POT1: variants seen among roughly 807,000 people sequenced by gnomAD.
POT1 encodes protection of telomeres protein 1.
Under a neutral mutation model 78.5 loss-of-function variants are expected in POT1, and 47 were observed. The observed-to-expected ratio is 0.60, with a 90% CI of 0.47 to 0.76. The LOEUF (loss-of-function observed/expected upper bound fraction) is 0.76. Among genes scored for constraint, POT1 ranks in the 30% least tolerant of loss-of-function variants. The pLI is 0.00. For synonymous variants in POT1, 259 were observed against 260.7 expected, an observed-to-expected ratio of 0.99 and a Z score of 0.06; for missense variants, 646 against 749.9, an observed-to-expected ratio of 0.86 and a Z score of 1.62.
At chr7:124,830,841 T>A (rs907892516) in intron 15 of POT1, among the ~76,000 whole-genome samples, 1 of 151,616 alleles carries the variant, frequency 6.6e-6, no homozygotes, top group Non-Finnish European at 1.5e-5. Context: ...CAAGAAACCA[T>A]AAAGTTAAAA....
chr7:124,917,539 C>T lies in POT1; in HGVS notation c.-226-1893G>A, dbSNP rs75489349. On this transcript the variant is annotated intron_variant, in intron 2 of 18. Transcript: ENST00000357628. ...ACATGCCCAGAAATAAAAACTACCC[C>T]AGTCTCCACTGTCCTCCACAAGACG... 1.6e-3 allele frequency among the ~76,000 whole-genome samples: 238 copies of T among 152,214 alleles called. 4 individuals carry two copies. In the East Asian group the frequency reaches 0.043, roughly 27 times the overall value.
At chr7:124,860,790 A>C (rs1369965988) in intron 8 of POT1, among the ~76,000 whole-genome samples, 2 of 151,590 alleles carry the variant, frequency 1.3e-5, no homozygotes, top group Non-Finnish European at 2.9e-5. Flanking sequence ...CCATTGTGTG[A>C]TGTTCCCCTC....
At chr7:124,849,536 G>A (rs1468395161) in intron 11 of POT1, among the ~76,000 whole-genome samples, 2 of 152,096 alleles carry the variant, frequency 1.3e-5, no homozygotes, top group African/African-American at 4.8e-5. Context: ...CTGCTATTTG[G>A]ATATAAATTT....
At chr7:124,912,317 C>G (rs1796906657) in intron 3 of POT1, among the ~76,000 whole-genome samples, 1 of 151,760 alleles carries the variant, frequency 6.6e-6, no homozygotes, top group Non-Finnish European at 1.5e-5. Context: ...TTTAGATACC[C>G]TGAGCCTCTC....
chr7:124,898,576 C>G (rs1796548233), intron 3 of POT1, among the ~76,000 whole-genome samples: 1 of 151,954 alleles, frequency 6.6e-6, no homozygotes, highest in Non-Finnish European at 1.5e-5. Context: ...TCAACATCTA[C>G]AGCTACAATA....
chr7:124,857,511 A>G (rs1366348670), intron 9 of POT1, among the ~76,000 whole-genome samples: 1 of 152,168 alleles, frequency 6.6e-6, no homozygotes, highest in Non-Finnish European at 1.5e-5. Context: ...CTGTGCCCAT[A>G]AAAACCCCAG....
intron 6 of POT1, among the ~76,000 whole-genome samples, chr7:124,891,655 C>T (rs1458874627): frequency 6.6e-6 from 1 of 151,290 alleles, no homozygotes; most frequent in Non-Finnish European, 1.5e-5. Context: ...TGCTTTGATT[C>T]CCTTCTCATT....
chr7:124,865,536 T>C (rs1159801429), intron 7 of POT1, among the ~76,000 whole-genome samples: 1 of 152,022 alleles, frequency 6.6e-6, no homozygotes, highest in African/African-American at 2.4e-5. Flanking sequence ...CTGATCTATT[T>C]AGCCCATCCA....
chr7:124,876,905 C>A (rs1796002981), intron 6 of POT1, among the ~76,000 whole-genome samples: 1 of 152,132 alleles, frequency 6.6e-6, no homozygotes, highest in Admixed American at 6.5e-5. Flanking sequence ...AACCAAAGAA[C>A]AGCTAACAAT....
chr7:124,850,742 AAAACAAACAAAC>A (rs769658710), intron 11 of POT1, among the ~76,000 whole-genome samples: 1 of 151,912 alleles, frequency 6.6e-6, no homozygotes, highest in Admixed American at 6.6e-5. Context: ...AAAAAAAAAC[AAAACAAACAAAC>A]AAACAAACAA....
In POT1 at chr7:124,863,266, T is replaced by C. The variant is rs142749439; in HGVS notation, c.546+84A>G. The stretch of plus-strand genomic sequence containing the variant: ...CTAGTATAATACACAGCATGCTTTA[T>C]CTCATCAGAATGCTGAAACATAAGC... On this transcript the variant is annotated intron_variant, in intron 8 of 18. Transcript: ENST00000357628. 7.6e-5 allele frequency: 100 copies of C among 1,315,796 alleles called. No individual in the cohort carries two copies. In the African/African-American group the frequency reaches 1.2e-3, roughly 16 times the overall value. The allele number at this position is 1,315,796 out of a possible 1,614,324, so 81.5% of individuals were successfully genotyped here.
At chr7:124,844,163 T>C (rs1296925128) in intron 12 of POT1, among the ~76,000 whole-genome samples, 1 of 148,840 alleles carries the variant, frequency 6.7e-6, no homozygotes, top group Non-Finnish European at 1.5e-5. Context: ...AGTTTCCCTC[T>C]TGTTGCCCAG....
At chr7:124,863,730 C>A (rs1795656683) in intron 7 of POT1, 90 bp from the exon 8 acceptor site, 1 of 1,054,710 alleles carries the variant, frequency 9.5e-7, no homozygotes, top group African/African-American at 1.6e-5. Context: ...GAAAGATTAT[C>A]AATTTTGCCA....
intron 2 of POT1, among the ~76,000 whole-genome samples, chr7:124,921,544 A>G (rs1197351464): frequency 6.6e-6 from 1 of 152,136 alleles, no homozygotes; most frequent in East Asian, 1.9e-4. Flanking sequence ...TACGAAGAAT[A>G]TAGACAAGCA....
intron 2 of POT1, among the ~76,000 whole-genome samples, chr7:124,921,500 T>C (rs756627560): frequency 5.0e-5 from 7 of 139,560 alleles, no homozygotes; most frequent in Non-Finnish European, 9.3e-5. Flanking sequence ...TAAAAAGAAA[T>C]AAATAGGTGA....
chr7:124,910,348 G>C (rs945178174), intron 3 of POT1, among the ~76,000 whole-genome samples: 6 of 151,828 alleles, frequency 4.0e-5, no homozygotes, highest in Non-Finnish European at 8.8e-5. Context: ...GAGATAGAGC[G>C]GTTTCTCTAC....
Position 124,829,336 on chromosome 7 carries a change from T to A in POT1, c.1512A>T (p.Lys504Asn). Reference sequence around the variant, plus strand: ...GTATGGATCTCAAACTAGAACACTGTTTACATCTGAAATTTATAAAAGAAA... The same window carrying A: ...GTATGGATCTCAAACTAGAACACTGATTACATCTGAAATTTATAAAAGAAA... ...IQGTIHHYGC[K>N]QCSSLRSIQN... Residue 504 changes from lysine (K) to asparagine (N), a missense_variant, in exon 16 of 19, where the codon AAA (lysine) becomes AAT (asparagine). Physicochemically the swap from Lys to Asn is moderately conservative, Grantham distance 94. This residue lies in a region of POT1 where 394 missense variants were observed against 408.4 expected (regional missense o/e 0.96). Transcript: ENST00000357628. 1 of 1,552,744 alleles carries A rather than the reference T, an allele frequency of 6.4e-7. No homozygotes were observed. The highest frequency in any genetic ancestry group is 8.8e-7 in the Non-Finnish European group (1 of 1,131,946).
intron 6 of POT1, among the ~76,000 whole-genome samples, chr7:124,876,897 C>T (rs1024002263): frequency 6.6e-6 from 1 of 152,102 alleles, no homozygotes; most frequent in African/African-American, 2.4e-5. Flanking sequence ...AAAGTCAGAA[C>T]CAAAGAACAG....
At position 124,834,100 on chromosome 7, in the gene POT1, C is replaced by T. The variant is rs192542557; in HGVS notation, c.1505+1179G>A. Among the ~76,000 whole-genome samples the T allele has an allele frequency of 7.9e-5, 12 of 152,174 alleles. No homozygotes were observed. In the East Asian group the frequency reaches 2.1e-3, roughly 27 times the overall value. On this transcript the variant is annotated intron_variant, in intron 15 of 18. Coordinates refer to ENST00000357628, the MANE Select transcript of POT1 (RefSeq NM_015450.3). ...ATCCCCTTACACCTTATACAAAAAT[C>T]AACTCAAGATGGATTAAAGACTTAA... is the stretch of plus-strand genomic sequence containing the variant.
Sources: allele counts gnomAD v4.1 joint callset (sites outside exome capture counted in the v4.1 genomes callset), GRCh38; gene constraint gnomAD v4.1.1; regional missense constraint gnomAD v4.1.1; transcripts MANE v1.5; gene names NCBI Gene and HGNC (gene_info 2026-07-23, HGNC 2026-07-21).